CDH23: variants seen among roughly 807,000 people sequenced by gnomAD.
CDH23 encodes the protein cadherin related 23.
Under a neutral mutation model 317.1 loss-of-function variants are expected in CDH23, and 189 were observed. The ratio of observed to expected loss-of-function variants is 0.60; its 90% CI spans 0.53 to 0.67. The LOEUF is 0.67. Among genes scored for constraint, CDH23 ranks in the 30% least tolerant of loss-of-function variants. CDH23 has a pLI of 0.00. For synonymous variants in CDH23, 1,839 were observed against 1,876.8 expected, an observed-to-expected ratio of 0.98 and a Z score of 0.52; for missense variants, 4,401 against 4,592.4, an observed-to-expected ratio of 0.96 and a Z score of 1.20.
At chr10:71,710,129 A>G (rs1385490794) in intron 27 of CDH23, among the ~76,000 whole-genome samples, 1 of 152,156 alleles carries the variant, frequency 6.6e-6, no homozygotes, top group African/African-American at 2.4e-5. Flanking sequence ...CTGGGTGGGG[A>G]CGCAAAGCCA....
rs749287212 is a variant in CDH23, at chr10:71,510,953, G to A, written c.289-1G>A. On this transcript the variant is annotated splice_acceptor_variant, in intron 4 of 69. Transcript: ENST00000224721. LOFTEE classifies it high-confidence loss of function. ...CCCTCCCTCTCTCACTTTTCTTTCA[G>A]ACCAAGTCAGAGTTCACCGTGGAGT... The A allele has an allele frequency of 1.9e-6, 3 of 1,613,750 alleles. No homozygotes were observed. Among genetic ancestry groups the A allele is most frequent in the South Asian group, 1.1e-5 (1 of 91,076 alleles).
intron 1 of CDH23, among the ~76,000 whole-genome samples, chr10:71,424,529 C>G (rs950840878): frequency 6.6e-6 from 1 of 152,136 alleles, no homozygotes; most frequent in Non-Finnish European, 1.5e-5. Context: ...CCTCGATACC[C>G]CCACTCATCC....
At chr10:71,587,156 C>T (rs543774161) in intron 9 of CDH23, among the ~76,000 whole-genome samples, 29 of 152,300 alleles carry the variant, frequency 1.9e-4, no homozygotes, top group African/African-American at 7.0e-4. Context: ...TGCTTAGGGC[C>T]GCATGGCAAA....
At chr10:71,643,710 G>C (rs993697430) in intron 11 of CDH23, 151 bp from the exon 12 acceptor site, 1 of 623,634 alleles carries the variant, frequency 1.6e-6, no homozygotes, top group Non-Finnish European at 2.9e-6. Flanking sequence ...AGAGGCTGGG[G>C]ACAGCTGCTC....
chr10:71,787,710 AG>A (rs1841142759), intron 44 of CDH23, among the ~76,000 whole-genome samples: 1 of 152,216 alleles, frequency 6.6e-6, no homozygotes, highest in Non-Finnish European at 1.5e-5. Flanking sequence ...TTGCTGCAAA[AG>A]ACACGACTTC....
At chr10:71,774,614 T>C (rs958402704) in intron 38 of CDH23, among the ~76,000 whole-genome samples, 4 of 152,206 alleles carry the variant, frequency 2.6e-5, no homozygotes, top group African/African-American at 9.7e-5. Context: ...TTTATCTGAA[T>C]GGACAAACCA....
chr10:71,724,168 T>G, intron 29 of CDH23, 63 bp downstream of exon 29: 1 of 1,524,812 alleles, frequency 6.6e-7, no homozygotes, highest in Non-Finnish European at 8.9e-7. Context: ...AGAGCTTCTC[T>G]AGGCTGCCAA....
intron 9 of CDH23, among the ~76,000 whole-genome samples, chr10:71,588,612 C>G (rs2132436899): frequency 1.3e-5 from 2 of 152,254 alleles, no homozygotes; most frequent in East Asian, 3.9e-4. Flanking sequence ...AATGGGGTCT[C>G]TAAAAATCCA....
At chr10:71,427,557 C>G (rs191915833) in intron 1 of CDH23, among the ~76,000 whole-genome samples, 2 of 152,240 alleles carry the variant, frequency 1.3e-5, no homozygotes, top group Admixed American at 1.3e-4. Context: ...CATTTGCCTG[C>G]TGAAGGACAT....
chr10:71,482,331 G>A (rs1489227701), intron 3 of CDH23, among the ~76,000 whole-genome samples: 2 of 151,996 alleles, frequency 1.3e-5, no homozygotes, highest in Non-Finnish European at 2.9e-5. Flanking sequence ...AGAGTTCCCT[G>A]TCATAAAGGA....
intron 6 of CDH23, among the ~76,000 whole-genome samples, chr10:71,516,547 T>C (rs1005761412): frequency 2.0e-5 from 3 of 152,248 alleles, no homozygotes; most frequent in Non-Finnish European, 4.4e-5. Context: ...TGAAATCAAA[T>C]ACATAATTTA....
At chr10:71,451,698 T>C (rs1850453146) in intron 3 of CDH23, among the ~76,000 whole-genome samples, 1 of 152,152 alleles carries the variant, frequency 6.6e-6, no homozygotes, top group Non-Finnish European at 1.5e-5. Context: ...GTTAGCCCCA[T>C]GGAGATGCTG....
chr10:71,762,199 A>C (rs140594967), intron 38 of CDH23, among the ~76,000 whole-genome samples: 2 of 152,256 alleles, frequency 1.3e-5, no homozygotes, highest in East Asian at 3.9e-4. Context: ...ACTCCATCCT[A>C]GGCTGTTGTA....
rs750926625 is a variant in CDH23, at chr10:71,807,529, G to A, written c.8322G>A (p.Glu2774=). Reference sequence around the variant, plus strand: ...TCCCACCCTCAGCCGGCAACGAAGAGAAGAACTTCCATCTGCAGCCCGATG... The same window carrying A: ...TCCCACCCTCAGCCGGCAACGAAGAAAAGAACTTCCATCTGCAGCCCGATG... ...VYYFIAAGNE[E]KNFHLQPDGC... The change falls in exon 59 of 70, where the codon GAG becomes GAA. Residue 2774 remains glutamate (E), a synonymous_variant. Coordinates refer to ENST00000224721, the MANE Select transcript of CDH23 (RefSeq NM_022124.6). 2 of 1,613,788 alleles carry A rather than the reference G, an allele frequency of 1.2e-6. No homozygotes were observed. The highest frequency in any genetic ancestry group is 2.2e-5 in the South Asian group (2 of 91,086).
In CDH23 at chr10:71,520,100, G is replaced by A. The variant is rs148590737; in HGVS notation, c.429+8888G>A. ...TGGGATCACAGGCATGAGCCCTCTC[G>A]CCTGACCTGAAGAGTATTACCACTG... On this transcript the variant is annotated intron_variant, in intron 6 of 69. Transcript: ENST00000224721. Among the ~76,000 whole-genome samples the A allele has an allele frequency of 2.0e-4, 31 of 152,286 alleles. No individual in the cohort carries two copies. In the East Asian group the frequency reaches 4.6e-3, roughly 23 times the overall value.
intron 20 of CDH23, among the ~76,000 whole-genome samples, chr10:71,693,067 C>G (rs1288788382): frequency 6.6e-6 from 1 of 152,246 alleles, no homozygotes; most frequent in Non-Finnish European, 1.5e-5. Context: ...CCACATCTCA[C>G]ATCTTCACCA....
rs141480674 is a variant in CDH23, at chr10:71,768,745, G to A, written c.4846-8935G>A. ...TCCTCCCACCTCAGCCTCCCAAAGT[G>A]CTGGGATTACAGGCATGAGCCACTG... On this transcript the variant is annotated intron_variant, in intron 38 of 69. Coordinates refer to ENST00000224721, the MANE Select transcript of CDH23 (RefSeq NM_022124.6). Among the ~76,000 whole-genome samples the A allele has an allele frequency of 2.0e-5, 3 of 152,284 alleles. No homozygotes were observed. The East Asian group carries it at 5.8e-4, about 29-fold the overall frequency.
intron 35 of CDH23, among the ~76,000 whole-genome samples, chr10:71,738,938 TC>T (rs1466444041): frequency 6.6e-6 from 1 of 152,242 alleles, no homozygotes; most frequent in Non-Finnish European, 1.5e-5. Context: ...CAGCCCCAGC[TC>T]CCTGAGAGGA....
rs1186295057 is a variant in CDH23 at position 71,397,510 on chromosome 10, C to A, written c.-6+192C>A. 6.6e-6 allele frequency among the ~76,000 whole-genome samples: 1 copy of A among 151,922 alleles called. No homozygotes were observed. Among genetic ancestry groups the A allele is most frequent in the Non-Finnish European group, 1.5e-5 (1 of 67,932 alleles). On this transcript the variant is annotated intron_variant, in intron 1 of 69. Coordinates refer to ENST00000224721, the MANE Select transcript of CDH23 (RefSeq NM_022124.6). This position sits in a 1 kb window ranked among gnomAD's most constrained non-coding sequence, Gnocchi z 4.8. ...GGCCCCTGGCCCTAGCCTCGCGCCCCGCTCCGAGCTCCCCGACGCGCGGCA... is the reference window on the plus strand; with the variant it reads ...GGCCCCTGGCCCTAGCCTCGCGCCCAGCTCCGAGCTCCCCGACGCGCGGCA...
Sources: allele counts gnomAD v4.1 joint callset (sites outside exome capture counted in the v4.1 genomes callset), GRCh38; gene constraint gnomAD v4.1.1; non-coding constraint Gnocchi (gnomAD v3.1); transcripts MANE v1.5; gene names NCBI Gene and HGNC (gene_info 2026-07-23, HGNC 2026-07-21).